ASZ1: variants seen among roughly 807,000 people sequenced by gnomAD.
The protein encoded by ASZ1 is ankyrin repeat, SAM and basic leucine zipper domain containing 1, also known as ankyrin repeat, SAM and basic leucine zipper domain-containing protein 1.
A neutral mutation model predicts 61.8 loss-of-function variants in ASZ1; 67 were observed. The ratio of observed to expected loss-of-function variants is 1.08; its 90% CI spans 0.89 to 1.33. The LOEUF is 1.33. Among genes scored for constraint, ASZ1 ranks in the 40% most tolerant of loss-of-function variants. The pLI is 0.00. For synonymous variants in ASZ1, 193 were observed against 192.7 expected (o/e 1.00, Z -0.01); for missense variants, 577 against 554.5 (o/e 1.04, Z -0.41).
At chr7:117,376,047 T>C (rs146995433) in intron 10 of ASZ1, among the ~76,000 whole-genome samples, 2 of 148,622 alleles carry the variant, frequency 1.3e-5, no homozygotes, top group East Asian at 4.0e-4. Flanking sequence ...TGAAAAAAAA[T>C]GCATAAACCT....
At chr7:117,379,166 T>C (rs200565896) in intron 10 of ASZ1, among the ~76,000 whole-genome samples, 3,991 of 60,860 alleles carry the variant, frequency 0.066, 122 homozygotes, top group African/African-American at 0.19. Flanking sequence ...TATATATATA[T>C]ATACACACAC....
chr7:117,383,529 T>C (rs547858501), intron 6 of ASZ1, among the ~76,000 whole-genome samples: 148 of 152,136 alleles, frequency 9.7e-4, no homozygotes, highest in African/African-American at 3.5e-3. Context: ...AATATTAAGA[T>C]AGTACTTTAA....
chr7:117,408,207 C>T (rs1481753860), intron 4 of ASZ1, among the ~76,000 whole-genome samples: 2 of 152,050 alleles, frequency 1.3e-5, no homozygotes, highest in African/African-American at 2.4e-5. Flanking sequence ...TTTCTGCCTC[C>T]GTCCCCCACA....
intron 10 of ASZ1, 110 bp downstream of exon 10, chr7:117,379,828 G>T: frequency 1.5e-6 from 1 of 655,772 alleles, no homozygotes; most frequent in Non-Finnish European, 2.4e-6. Context: ...CTATTACCCT[G>T]GGAAAATGAT....
rs1337335726 is a variant in ASZ1, at chr7:117,379,939, T to G, written c.1054A>C (p.Ser352Arg). The G allele has an allele frequency of 6.4e-7, 1 of 1,567,422 alleles. No individual in the cohort carries two copies. Among genetic ancestry groups the G allele is most frequent in the Non-Finnish European group, 8.8e-7 (1 of 1,142,184 alleles). Residue 352 changes from serine (S) to arginine (R), a missense_variant and splice_region_variant, in exon 10 of 13, where the codon AGT becomes CGT. By Grantham distance (110) the Ser-to-Arg change is moderately radical. Coordinates refer to ENST00000284629, the MANE Select transcript of ASZ1 (RefSeq NM_130768.3). ...ELSEETKLEISGDEFLNFLLK... is the reference protein window; with the variant it reads ...ELSEETKLEIRGDEFLNFLLK... Reference sequence around the variant, plus strand: ...TATAAACAAATAAGTTAATTTTACCTGATTTCCAACTTTGTCTCTTCAGAT... The same window carrying G: ...TATAAACAAATAAGTTAATTTTACCGGATTTCCAACTTTGTCTCTTCAGAT...
At position 117,421,221 on chromosome 7, in the gene ASZ1, A is replaced by AT. The variant is rs918536511; in HGVS notation, c.329-948dup. 9.4e-4 allele frequency among the ~76,000 whole-genome samples: 142 copies of AT among 151,612 alleles called. 2 individuals carry two copies. The highest frequency in any genetic ancestry group is 1.7e-3 in the Non-Finnish European group (113 of 67,808). Reference sequence around the variant, plus strand: ...TCCTAAGCATAGCTTTCATTGAGTAATTTTTTTTTGAGACAGTGTCTCACT... The same window carrying AT: ...TCCTAAGCATAGCTTTCATTGAGTAATTTTTTTTTTGAGACAGTGTCTCACT... On this transcript the variant is annotated intron_variant, in intron 3 of 12. Coordinates refer to ENST00000284629, the MANE Select transcript of ASZ1 (RefSeq NM_130768.3).
intron 10 of ASZ1, among the ~76,000 whole-genome samples, chr7:117,377,342 A>G (rs527846005): frequency 6.6e-6 from 1 of 152,000 alleles, no homozygotes; most frequent in East Asian, 1.9e-4. Flanking sequence ...CTGTGGCAAC[A>G]AAGTGGAGAC....
intron 4 of ASZ1, among the ~76,000 whole-genome samples, chr7:117,388,685 A>C (rs1349962106): frequency 1.3e-5 from 2 of 152,176 alleles, no homozygotes; most frequent in Admixed American, 6.6e-5. Flanking sequence ...AGTTAACATC[A>C]TATTTAATGG....
intron 10 of ASZ1, among the ~76,000 whole-genome samples, chr7:117,379,168 T>TATATATATAC (rs1161457624): frequency 3.3e-4 from 23 of 69,716 alleles, no homozygotes; most frequent in East Asian, 2.9e-3. Context: ...TATATATATA[T>TATATATATAC]ACACACACAC....
intron 7 of ASZ1, 23 bp downstream of exon 7, chr7:117,382,963 T>G: frequency 6.6e-7 from 1 of 1,524,314 alleles, no homozygotes; most frequent in South Asian, 1.3e-5. Context: ...GGTATTCTGT[T>G]GAACTAAAAC....
rs1391202784 is a variant in ASZ1 at position 117,384,721 on chromosome 7, G to T, written c.687+5C>A. ...AAAATAAGTTTAATATGTACAGAAG[G>T]ATACCTCATGATGTTTGTTTCTTTT... On this transcript the variant is annotated splice_donor_5th_base_variant and intron_variant, in intron 6 of 12. Coordinates refer to ENST00000284629, the MANE Select transcript of ASZ1 (RefSeq NM_130768.3). The T allele has an allele frequency of 2.5e-6, 4 of 1,610,512 alleles. No homozygotes were observed. Among genetic ancestry groups the T allele is most frequent in the African/African-American group, 2.7e-5 (2 of 74,682 alleles).
At chr7:117,396,070 G>A (rs561056439) in intron 4 of ASZ1, among the ~76,000 whole-genome samples, 2 of 152,260 alleles carry the variant, frequency 1.3e-5, no homozygotes, top group African/African-American at 2.4e-5. Flanking sequence ...AACATTTACT[G>A]GCTTAGACAA....
At chr7:117,369,371 G>T (rs1460194227) in intron 10 of ASZ1, among the ~76,000 whole-genome samples, 2 of 152,156 alleles carry the variant, frequency 1.3e-5, no homozygotes, top group South Asian at 2.1e-4. Flanking sequence ...TTTATTAAAA[G>T]AACTTTTGTG....
intron 12 of ASZ1, among the ~76,000 whole-genome samples, chr7:117,365,624 T>C (rs975685815): frequency 6.6e-6 from 1 of 152,204 alleles, no homozygotes; most frequent in African/African-American, 2.4e-5. Context: ...TCTTTATACA[T>C]ATGCTTCTAA....
At chr7:117,422,455 A>C in intron 2 of ASZ1, 96 bp from the exon 3 acceptor site, 1 of 1,315,150 alleles carries the variant, frequency 7.6e-7, no homozygotes, top group South Asian at 1.8e-5. Context: ...AGTGACGTAC[A>C]TCATGTACTT....
chr7:117,389,654 T>G (rs1796425013), intron 4 of ASZ1, among the ~76,000 whole-genome samples: 1 of 152,070 alleles, frequency 6.6e-6, no homozygotes, highest in Admixed American at 6.6e-5. Flanking sequence ...ACAGGCAATT[T>G]CTCAAGATAA....
chr7:117,380,837 T>G (rs1796235700), intron 9 of ASZ1, among the ~76,000 whole-genome samples, 174 bp downstream of exon 9: 1 of 151,872 alleles, frequency 6.6e-6, no homozygotes, highest in Non-Finnish European at 1.5e-5. Flanking sequence ...TAAAGTAACT[T>G]AATACTAACA....
At chr7:117,370,962 T>C (rs1562844937) in intron 10 of ASZ1, among the ~76,000 whole-genome samples, 1 of 151,832 alleles carries the variant, frequency 6.6e-6, no homozygotes, top group Non-Finnish European at 1.5e-5. Flanking sequence ...GTAGTTGGGA[T>C]TACAGGTGTG....
At chr7:117,379,257 T>C (rs887509310) in intron 10 of ASZ1, among the ~76,000 whole-genome samples, 1 of 150,384 alleles carries the variant, frequency 6.6e-6, no homozygotes, top group Non-Finnish European at 1.5e-5. Flanking sequence ...GTAAATTTTC[T>C]GGTTTTGATA....
Sources: allele counts gnomAD v4.1 joint callset (sites outside exome capture counted in the v4.1 genomes callset), GRCh38; gene constraint gnomAD v4.1.1; transcripts MANE v1.5; gene names NCBI Gene and HGNC (gene_info 2026-07-23, HGNC 2026-07-21).